SEC24D: variants seen among roughly 807,000 people sequenced by gnomAD.
SEC24D encodes the protein protein transport protein Sec24D.
SEC24D carries 69 observed loss-of-function variants against 116.9 expected under a neutral mutation model. The observed-to-expected ratio is 0.59, with a 90% CI of 0.49 to 0.72. The LOEUF (loss-of-function observed/expected upper bound fraction) is 0.72, where lower values mean the gene tolerates loss of function less well. SEC24D is among the 30% of genes least tolerant of loss of function. SEC24D has a pLI of 0.00. For synonymous variants in SEC24D, 405 were observed against 442.8 expected, an observed-to-expected ratio of 0.91 and a Z score of 1.07; for missense variants, 1,131 against 1,264.1, an observed-to-expected ratio of 0.89 and a Z score of 1.60.
chr4:118,798,712 G>T (rs1162485206), intron 7 of SEC24D, among the ~76,000 whole-genome samples: 2 of 152,122 alleles, frequency 1.3e-5, no homozygotes, highest in Non-Finnish European at 2.9e-5. Context: ...CTAGTGAAGG[G>T]GTACCAAGAA....
chr4:118,729,366 A>G (rs1207245729), intron 21 of SEC24D: 1 of 152,208 alleles, frequency 6.6e-6, no homozygotes, highest in East Asian at 1.9e-4. Context: ...TTTATAGAGT[A>G]TTCTGGAACC....
At chr4:118,778,376 T>A (rs1018875280) in intron 8 of SEC24D, among the ~76,000 whole-genome samples, 1 of 152,194 alleles carries the variant, frequency 6.6e-6, no homozygotes, top group Non-Finnish European at 1.5e-5. Context: ...CCTTTCCCCA[T>A]TTCTTGTTTT....
At chr4:118,781,977 C>T (rs991101996) in intron 8 of SEC24D, among the ~76,000 whole-genome samples, 1 of 152,138 alleles carries the variant, frequency 6.6e-6, no homozygotes, top group Admixed American at 6.6e-5. Context: ...TCTAGTTAGC[C>T]ATTCGTCTAA....
chr4:118,774,264 T>C (rs529185617), intron 8 of SEC24D, among the ~76,000 whole-genome samples: 1 of 152,252 alleles, frequency 6.6e-6, no homozygotes, highest in South Asian at 2.1e-4. Flanking sequence ...TTGTATTAGA[T>C]TTGGATACCT....
intron 8 of SEC24D, among the ~76,000 whole-genome samples, chr4:118,777,150 T>C (rs947231813): frequency 3.9e-5 from 6 of 151,962 alleles, no homozygotes; most frequent in African/African-American, 1.5e-4. Context: ...AGTTAGAGGG[T>C]ACATGTGCAC....
At chr4:118,819,486 G>A (rs1384801995) in intron 3 of SEC24D, among the ~76,000 whole-genome samples, 2 of 141,030 alleles carry the variant, frequency 1.4e-5, no homozygotes, top group African/African-American at 2.6e-5. Flanking sequence ...AGCCAAGATC[G>A]CGCCACTGCA....
intron 8 of SEC24D, among the ~76,000 whole-genome samples, chr4:118,782,904 C>T (rs920212813): frequency 7.9e-5 from 12 of 152,296 alleles, no homozygotes; most frequent in Non-Finnish European, 1.5e-4. Flanking sequence ...TGGGACCCAC[C>T]GAGTCAGGCA....
chr4:118,758,248 T>C (rs908325221), intron 10 of SEC24D, among the ~76,000 whole-genome samples: 2 of 152,180 alleles, frequency 1.3e-5, no homozygotes, highest in Admixed American at 6.5e-5. Context: ...AGAATACATA[T>C]AATAGTGTTT....
At chr4:118,812,155 T>C (rs754851552) in intron 6 of SEC24D, among the ~76,000 whole-genome samples, 1 of 152,192 alleles carries the variant, frequency 6.6e-6, no homozygotes. Flanking sequence ...GGCCTGGTCA[T>C]TCCTCATCAA....
intron 17 of SEC24D, 26 bp from the exon 18 acceptor site, chr4:118,739,313 T>C (rs764075211): frequency 2.4e-5 from 39 of 1,599,366 alleles, no homozygotes; most frequent in Non-Finnish European, 3.0e-5. Flanking sequence ...TGAGGTCACA[T>C]GTTTTTCTGA....
intron 3 of SEC24D, among the ~76,000 whole-genome samples, chr4:118,818,197 C>T (rs116405053): frequency 0.044 from 6,660 of 152,262 alleles, 202 homozygotes; most frequent in Non-Finnish European, 0.064. Flanking sequence ...TAAAGCCTGC[C>T]TGAGAGTCAC....
chr4:118,807,509 G>C (rs1191340161), intron 6 of SEC24D, among the ~76,000 whole-genome samples: 2 of 151,450 alleles, frequency 1.3e-5, no homozygotes, highest in Non-Finnish European at 2.9e-5. Context: ...AAATGGAGAG[G>C]GTGTAAGAAG....
In SEC24D at chr4:118,743,977, C is replaced by G. The variant is rs1251705197; in HGVS notation, c.1995+11G>C. The G allele has an allele frequency of 6.3e-7, 1 of 1,589,546 alleles. No homozygotes were observed. Among genetic ancestry groups the G allele is most frequent in the Non-Finnish European group, 8.6e-7 (1 of 1,168,848 alleles). On this transcript the variant is annotated intron_variant, in intron 15 of 22. Coordinates refer to ENST00000280551, the MANE Select transcript of SEC24D (RefSeq NM_014822.4). ...GTAGAAGACCAAGGTGAACAAATTGCTGGCATTTACCTGGAAATTGTTGTA... is the reference window on the plus strand; with the variant it reads ...GTAGAAGACCAAGGTGAACAAATTGGTGGCATTTACCTGGAAATTGTTGTA...
intron 6 of SEC24D, among the ~76,000 whole-genome samples, chr4:118,810,137 T>TGTGTGG (rs56961502): frequency 0.041 from 4,322 of 104,272 alleles, 365 homozygotes; most frequent in East Asian, 0.067. Flanking sequence ...TGTGTGTGTG[T>TGTGTGG]CAGAGGGTAT....
intron 8 of SEC24D, among the ~76,000 whole-genome samples, chr4:118,787,262 G>A (rs1336158088): frequency 6.6e-6 from 1 of 152,154 alleles, no homozygotes; most frequent in Non-Finnish European, 1.5e-5. Context: ...CATGCATTTT[G>A]TATGTCCAAG....
intron 10 of SEC24D, among the ~76,000 whole-genome samples, chr4:118,762,286 T>C (rs1727421795): frequency 6.6e-6 from 1 of 152,116 alleles, no homozygotes; most frequent in South Asian, 2.1e-4. Flanking sequence ...AGTGTACTGA[T>C]TAGAGAATAG....
rs774770545 is a variant in SEC24D at position 118,744,977 on chromosome 4, A to T, written c.1791T>A (p.Asp597Glu). ...TGTCTGTATTAACCAGTTTTTTGTCATCTCTGTTTTTGAGCTTCCCTGGTG... is the reference window on the plus strand; with the variant it reads ...TGTCTGTATTAACCAGTTTTTTGTCTTCTCTGTTTTTGAGCTTCCCTGGTG... ...AEAPGKLKNR[D>E]DKKLVNTDKE... The change falls in exon 14 of 23, where the codon GAT becomes GAA. Residue 597 changes from aspartate to glutamate, a missense_variant. By Grantham distance (45) the Asp-to-Glu change is conservative. Transcript: ENST00000280551. The T allele has an allele frequency of 1.9e-6, 3 of 1,611,728 alleles. No homozygotes were observed. The highest frequency in any genetic ancestry group is 2.5e-6 in the Non-Finnish European group (3 of 1,178,468).
chr4:118,794,075 T>C (rs946460227), intron 8 of SEC24D, among the ~76,000 whole-genome samples: 5 of 152,220 alleles, frequency 3.3e-5, no homozygotes, highest in African/African-American at 1.2e-4. Context: ...AAAGATCCTA[T>C]GTTACTGGGT....
intron 2 of SEC24D, 122 bp from the exon 3 acceptor site, chr4:118,824,871 T>C: frequency 3.5e-6 from 3 of 869,146 alleles, no homozygotes; most frequent in Non-Finnish European, 5.1e-6. Context: ...TAGAACAAAA[T>C]CTCTTTCAAG....
Sources: allele counts gnomAD v4.1 joint callset (sites outside exome capture counted in the v4.1 genomes callset), GRCh38; gene constraint gnomAD v4.1.1; transcripts MANE v1.5; gene names NCBI Gene and HGNC (gene_info 2026-07-23, HGNC 2026-07-21).